ROBO1: variants seen among roughly 807,000 people sequenced by gnomAD.
The protein encoded by ROBO1 is roundabout homolog 1.
ROBO1 carries 149 observed loss-of-function variants against 195.9 expected under a neutral mutation model. That is an observed-to-expected ratio of 0.76 (90% CI 0.67 to 0.87). The LOEUF is 0.87. ROBO1 is among the 40% of genes least tolerant of loss of function. The pLI is 0.00. For synonymous variants in ROBO1, 816 were observed against 733.2 expected, an observed-to-expected ratio of 1.11 and a Z score of -1.82; for missense variants, 1,933 against 2,068.3, an observed-to-expected ratio of 0.93 and a Z score of 1.27.
intron 2 of ROBO1, among the ~76,000 whole-genome samples, chr3:79,529,735 C>T (rs1941573423): frequency 6.6e-6 from 1 of 152,086 alleles, no homozygotes; most frequent in Admixed American, 6.6e-5. Context: ...ATTCTCAAAC[C>T]ACTGTTGACT....
intron 1 of ROBO1, among the ~76,000 whole-genome samples, chr3:79,713,058 T>A (rs1325967935): frequency 6.6e-6 from 1 of 152,004 alleles, no homozygotes; most frequent in East Asian, 1.9e-4. Flanking sequence ...GTATTTCTCC[T>A]AATGCTATCC....
Position 79,004,829 on chromosome 3 carries a change from G to C in ROBO1, c.173-65902C>G, listed in dbSNP as rs556521138. On this transcript the variant is annotated intron_variant, in intron 3 of 30. Transcript: ENST00000464233. ...CCAACATATCCAAATACAAGGTGCT[G>C]TCTCATAAGAAAATGAATTAAACAT... is the stretch of plus-strand genomic sequence containing the variant. Among the ~76,000 whole-genome samples the C allele has an allele frequency of 2.0e-5, 3 of 152,270 alleles. No individual in the cohort carries two copies. In the South Asian group the frequency reaches 6.2e-4, roughly 32 times the overall value.
intron 2 of ROBO1, among the ~76,000 whole-genome samples, chr3:79,550,170 A>AAGAAAGAAT (rs61681586): frequency 8.9e-6 from 1 of 111,880 alleles, no homozygotes; most frequent in Admixed American, 9.2e-5. Flanking sequence ...AAAGAAAGGA[A>AAGAAAGAAT]GAAAGAAAGA....
At chr3:78,798,423 C>A (rs1274087481) in intron 4 of ROBO1, among the ~76,000 whole-genome samples, 1 of 152,094 alleles carries the variant, frequency 6.6e-6, no homozygotes, top group African/African-American at 2.4e-5. Context: ...TTGAGTGATT[C>A]ATACTTTATT....
At chr3:79,036,333 A>T (rs1476470452) in intron 3 of ROBO1, among the ~76,000 whole-genome samples, 1 of 152,058 alleles carries the variant, frequency 6.6e-6, no homozygotes, top group East Asian at 1.9e-4. Flanking sequence ...AAGTGATGTG[A>T]ATTTATTCAT....
chr3:79,276,705 T>C (rs1458935348), intron 2 of ROBO1, among the ~76,000 whole-genome samples: 1 of 151,934 alleles, frequency 6.6e-6, no homozygotes, highest in Non-Finnish European at 1.5e-5. Flanking sequence ...TGGGAGAGAA[T>C]ATTTGCAAAC....
intron 4 of ROBO1, among the ~76,000 whole-genome samples, chr3:78,814,610 T>C (rs531415930): frequency 4.2e-4 from 64 of 152,162 alleles, no homozygotes; most frequent in Admixed American, 3.2e-3. Context: ...TAAAAGTAAA[T>C]TGCAGGCCAG....
At chr3:78,862,601 T>C (rs934556908) in intron 4 of ROBO1, among the ~76,000 whole-genome samples, 1 of 152,226 alleles carries the variant, frequency 6.6e-6, no homozygotes, top group Non-Finnish European at 1.5e-5. Flanking sequence ...GCAGAAGTAC[T>C]GTCAAGGATG....
At chr3:79,018,872 G>A in intron 3 of ROBO1, 1 of 1,004,144 alleles carries the variant, frequency 1.0e-6, no homozygotes, top group Non-Finnish European at 1.2e-6. Context: ...CGGCAAAGTT[G>A]GGGTGTGAGA....
intron 2 of ROBO1, among the ~76,000 whole-genome samples, chr3:79,455,145 A>T (rs1262814977): frequency 6.6e-6 from 1 of 152,056 alleles, no homozygotes; most frequent in Non-Finnish European, 1.5e-5. Context: ...AAAGGCTAAA[A>T]TATGCACACA....
At chr3:78,735,706 TA>T (rs1559800096) in intron 5 of ROBO1, among the ~76,000 whole-genome samples, 1 of 152,170 alleles carries the variant, frequency 6.6e-6, no homozygotes, top group East Asian at 1.9e-4. Context: ...ATACTAAATT[TA>T]GAACACAAAA....
rs71127369 is a variant in ROBO1 at position 78,931,236 on chromosome 3, C to CTTTTT, written c.499+7360_499+7364dup. On this transcript the variant is annotated intron_variant, in intron 4 of 30. Coordinates refer to ENST00000464233, the MANE Select transcript of ROBO1 (RefSeq NM_002941.4). ...AAACAACATTTTCTTTTCTTTCTTT[C>CTTTTT]TTTTTTTTTTTTTTTTTTTTTTTGA... 1.3e-3 allele frequency among the ~76,000 whole-genome samples: 101 copies of CTTTTT among 79,222 alleles called. 2 individuals carry two copies. Among genetic ancestry groups the CTTTTT allele is most frequent in the South Asian group, 3.0e-3 (5 of 1,650 alleles). 52.0% of individuals were successfully genotyped at this position (79,222 alleles called of 152,430 possible). A position where few individuals can be genotyped will look rare whatever the true frequency, so the allele number is the denominator to read the frequency against.
intron 2 of ROBO1, among the ~76,000 whole-genome samples, chr3:79,382,326 A>G (rs6772426): frequency 0.66 from 99,859 of 152,022 alleles, 33,967 homozygotes; most frequent in African/African-American, 0.85. Context: ...AGAAATAGAG[A>G]TAGAAATAGT....
chr3:79,431,215 A>G (rs770040314), intron 2 of ROBO1, among the ~76,000 whole-genome samples: 26 of 152,172 alleles, frequency 1.7e-4, no homozygotes, highest in Non-Finnish European at 2.9e-4. Context: ...ATGTACTACA[A>G]CTAGTATCAT....
chr3:78,721,940 GAGGGC>G (rs2082054557), intron 5 of ROBO1, among the ~76,000 whole-genome samples: 1 of 152,108 alleles, frequency 6.6e-6, no homozygotes, highest in African/African-American at 2.4e-5. Flanking sequence ...CAAGAGTAAT[GAGGGC>G]ACTGCCAGGA....
At chr3:79,059,044 A>G (rs1369851111) in intron 3 of ROBO1, among the ~76,000 whole-genome samples, 1 of 152,080 alleles carries the variant, frequency 6.6e-6, no homozygotes, top group Non-Finnish European at 1.5e-5. Context: ...CAAATTAATG[A>G]TTTAAGACAG....
intron 4 of ROBO1, among the ~76,000 whole-genome samples, chr3:78,799,033 G>T (rs967302862): frequency 3.3e-5 from 5 of 152,138 alleles, no homozygotes; most frequent in African/African-American, 1.2e-4. Context: ...ATTTTATACT[G>T]GAGTTGAGAG....
intron 2 of ROBO1, among the ~76,000 whole-genome samples, chr3:79,202,106 G>A (rs919617534): frequency 4.6e-5 from 7 of 151,752 alleles, no homozygotes; most frequent in African/African-American, 1.2e-4. Flanking sequence ...TCCTAAATTC[G>A]TAGAATGCCA....
intron 3 of ROBO1, among the ~76,000 whole-genome samples, chr3:79,016,502 T>C (rs987179247): frequency 2.0e-5 from 3 of 152,218 alleles, no homozygotes; most frequent in Non-Finnish European, 2.9e-5. Context: ...AATTGTCTCA[T>C]ATCTATTCAA....
Sources: allele counts gnomAD v4.1 joint callset (sites outside exome capture counted in the v4.1 genomes callset), GRCh38; gene constraint gnomAD v4.1.1; transcripts MANE v1.5; gene names NCBI Gene and HGNC (gene_info 2026-07-23, HGNC 2026-07-21).